Variants in PRR15 observed in about 807,000 individuals in gnomAD.
PRR15 encodes the protein proline-rich protein 15.
Under a neutral mutation model 3.0 loss-of-function variants are expected in PRR15, and 4 were observed. The ratio of observed to expected loss-of-function variants is 1.34; its 90% CI spans 0.66 to 3.08. The LOEUF is 3.08. Ranked by LOEUF, PRR15 falls within the 30% of genes most tolerant of loss-of-function variation. The probability of loss-of-function intolerance (pLI) is 0.01; values close to 1 mark genes in which losing one functional copy is unlikely to be tolerated. For synonymous variants in PRR15, 82 were observed against 79.8 expected, an observed-to-expected ratio of 1.03 and a Z score of -0.14; for missense variants, 200 against 179.5, an observed-to-expected ratio of 1.11 and a Z score of -0.65.
In PRR15 at chr7:29,566,646, C is replaced by T. The variant is rs1336450897; in HGVS notation, c.317C>T (p.Thr106Met). The change falls in exon 2 of 2, where the codon ACG (threonine) becomes ATG (methionine). Residue 106 changes from threonine to methionine, a missense_variant. Coordinates refer to ENST00000319694, the MANE Select transcript of PRR15 (RefSeq NM_175887.3). Reference sequence around the variant, plus strand: ...AAGGAGAAGAGGAAAGTGCGCGCCACGCTGCTCCCGGAGGCGGGCAGGTCC... The same window carrying T: ...AAGGAGAAGAGGAAAGTGCGCGCCATGCTGCTCCCGGAGGCGGGCAGGTCC... Reference protein sequence around the residue: ...RFKEKRKVRATLLPEAGRSPE... With the variant: ...RFKEKRKVRAMLLPEAGRSPE... The T allele has an allele frequency of 6.3e-7, 1 of 1,587,178 alleles. No homozygotes were observed. The highest frequency in any genetic ancestry group is 1.1e-5 in the South Asian group (1 of 87,378).
rs62457152 is a variant in PRR15 at position 29,566,448 on chromosome 7, G to A, written c.119G>A (p.Gly40Glu). 12 of 1,603,264 alleles carry A rather than the reference G, an allele frequency of 7.5e-6. No individual in the cohort carries two copies. Among genetic ancestry groups the A allele is most frequent in the Non-Finnish European group, 9.4e-6 (11 of 1,175,274 alleles). ...CCGCCTCCCGCCCAGCCCGCTCCCGGGGAGCCCACGCCACCTGCGCCGCCC... is the reference window on the plus strand; with the variant it reads ...CCGCCTCCCGCCCAGCCCGCTCCCGAGGAGCCCACGCCACCTGCGCCGCCC... ...GVPPPAQPAP[G>E]EPTPPAPPSP... The change falls in exon 2 of 2, where the codon GGG (glycine) becomes GAG (glutamate). Residue 40 changes from glycine (G) to glutamate (E), a missense_variant. Gly to Glu is a moderately conservative substitution (Grantham distance 98, BLOSUM62 -2). Coordinates refer to ENST00000319694, the MANE Select transcript of PRR15 (RefSeq NM_175887.3).
chr7:29,566,457 C>T lies in PRR15; in HGVS notation c.128C>T (p.Thr43Met). Residue 43 changes from threonine (T) to methionine (M), a missense_variant, in exon 2 of 2, where the codon ACG becomes ATG. Coordinates refer to ENST00000319694, the MANE Select transcript of PRR15 (RefSeq NM_175887.3). ...PPAQPAPGEP[T>M]PPAPPSPDWT... ...GCCCAGCCCGCTCCCGGGGAGCCCA[C>T]GCCACCTGCGCCGCCCAGCCCGGAC... The T allele has an allele frequency of 1.3e-6, 2 of 1,599,900 alleles. No individual in the cohort carries two copies. Among genetic ancestry groups the T allele is most frequent in the Non-Finnish European group, 1.7e-6 (2 of 1,173,448 alleles).
chr7:29,564,354 C>G lies in PRR15; in HGVS notation c.-169C>G, dbSNP rs879507093. 1.4e-4 allele frequency: 22 copies of G among 152,262 alleles called. No individual in the cohort carries two copies. The highest frequency in any genetic ancestry group is 4.4e-5 in the Non-Finnish European group (3 of 68,108). The allele number at this position is 152,262 out of a possible 1,614,324, so 9.4% of individuals were successfully genotyped here. ...CGGCCGCGTTCACCGCGCGAGGCCTCCGGGTCCTGTTAAGCCCGAGCAGGT... is the reference window on the plus strand; with the variant it reads ...CGGCCGCGTTCACCGCGCGAGGCCTGCGGGTCCTGTTAAGCCCGAGCAGGT... On this transcript the variant is annotated 5_prime_UTR_variant, in exon 1 of 2. Coordinates refer to ENST00000319694, the MANE Select transcript of PRR15 (RefSeq NM_175887.3).
At position 29,566,391 on chromosome 7, in the gene PRR15, G is replaced by A. The variant is rs867515894; in HGVS notation, c.62G>A (p.Arg21Lys). 3.7e-6 allele frequency: 6 copies of A among 1,611,062 alleles called. No individual in the cohort carries two copies. Among genetic ancestry groups the A allele is most frequent in the Non-Finnish European group, 5.1e-6 (6 of 1,179,608 alleles). Residue 21 changes from arginine (R) to lysine (K), a missense_variant, in exon 2 of 2, where the codon AGA becomes AAA. Arg to Lys is a conservative substitution (Grantham distance 26). Transcript: ENST00000319694. The part of the protein sequence containing the change: ...GPWWKSLTNS[R>K]KKSKEAAVGV... ...TGGTGGAAATCGCTCACCAACAGCA[G>A]AAAGAAAAGCAAGGAAGCCGCAGTG...
rs1358872755 is a variant in PRR15, at chr7:29,566,338, C to T, written c.9C>T (p.Asp3=). ...CCCTAGGCCCTCCGGCCATGGCCGA[C>T]AGCGGCGATGCTGGCAGCTCCGGCC... MA[D]SGDAGSSGPW... is the part of the protein sequence containing the mutation. The change falls in exon 2 of 2, where the codon GAC becomes GAT. Residue 3 remains aspartate (D), a synonymous_variant. Coordinates refer to ENST00000319694, the MANE Select transcript of PRR15 (RefSeq NM_175887.3). 8.1e-6 allele frequency: 13 copies of T among 1,607,598 alleles called. No homozygotes were observed. Among genetic ancestry groups the T allele is most frequent in the Non-Finnish European group, 1.1e-5 (13 of 1,179,260 alleles).
chr7:29,566,569 C>A lies in PRR15; in HGVS notation c.240C>A (p.Asp80Glu). The A allele has an allele frequency of 6.2e-7, 1 of 1,608,752 alleles. No homozygotes were observed. Among genetic ancestry groups the A allele is most frequent in the Non-Finnish European group, 8.5e-7 (1 of 1,178,080 alleles). ...CCAAACCAGACAAGTTATACGGGGA[C>A]AAATCCGGCAGCAGCCGCCGCAATT... ...EPPKPDKLYG[D>E]KSGSSRRNLK... The change falls in exon 2 of 2, where the codon GAC (aspartate) becomes GAA (glutamate). Residue 80 changes from aspartate to glutamate, a missense_variant. Asp to Glu is a conservative substitution (Grantham distance 45). Coordinates refer to ENST00000319694, the MANE Select transcript of PRR15 (RefSeq NM_175887.3).
intron 1 of PRR15, 58 bp from the exon 2 acceptor site, chr7:29,566,127 C>CT: frequency 1.9e-5 from 12 of 634,352 alleles, no homozygotes; most frequent in Non-Finnish European, 3.2e-5. Context: ...GGAAAGGGGA[C>CT]TGGGGGGGGC....
intron 1 of PRR15, among the ~76,000 whole-genome samples, chr7:29,564,605 G>A (rs550985408): frequency 6.6e-6 from 1 of 152,326 alleles, no homozygotes; most frequent in Admixed American, 6.5e-5. Flanking sequence ...TGATGATTGT[G>A]AAGAAGAAAA....
In PRR15 at chr7:29,566,666, A is replaced by T; in HGVS notation, c.337A>T (p.Arg113Trp). ...VRATLLPEAG[R>W]SPEEAGFPGD... ...CGCCACGCTGCTCCCGGAGGCGGGC[A>T]GGTCCCCGGAGGAGGCAGGCTTTCC... Residue 113 changes from arginine to tryptophan, a missense_variant, in exon 2 of 2, where the codon AGG becomes TGG. Coordinates refer to ENST00000319694, the MANE Select transcript of PRR15 (RefSeq NM_175887.3). 6.3e-7 allele frequency: 1 copy of T among 1,575,982 alleles called. No homozygotes were observed. Among genetic ancestry groups the T allele is most frequent in the Non-Finnish European group, 8.6e-7 (1 of 1,161,170 alleles).
At chr7:29,566,016 C>T (rs1792892969) in intron 1 of PRR15, among the ~76,000 whole-genome samples, 169 bp from the exon 2 acceptor site, 1 of 152,254 alleles carries the variant, frequency 6.6e-6, no homozygotes, top group African/African-American at 2.4e-5. Flanking sequence ...TCCGCCAGCA[C>T]CCTATGGGGC....
In PRR15 at chr7:29,566,443, T is replaced by G; in HGVS notation, c.114T>G (p.Ala38=). The G allele has an allele frequency of 1.9e-6, 3 of 1,604,226 alleles. No homozygotes were observed. The highest frequency in any genetic ancestry group is 2.6e-6 in the Non-Finnish European group (3 of 1,175,844). The part of the protein sequence containing the change: ...AVGVPPPAQP[A]PGEPTPPAPP... ...GGGTGCCGCCTCCCGCCCAGCCCGC[T>G]CCCGGGGAGCCCACGCCACCTGCGC... Residue 38 remains alanine, a synonymous_variant, in exon 2 of 2, where the codon GCT becomes GCG. Coordinates refer to ENST00000319694, the MANE Select transcript of PRR15 (RefSeq NM_175887.3).
rs943515565 is a variant in PRR15 at position 29,564,367 on chromosome 7, A to C, written c.-156A>C. On this transcript the variant is annotated 5_prime_UTR_variant, in exon 1 of 2. Coordinates refer to ENST00000319694, the MANE Select transcript of PRR15 (RefSeq NM_175887.3). ...CGCGCGAGGCCTCCGGGTCCTGTTA[A>C]GCCCGAGCAGGTGAGCGACTGGGGG... 1 of 152,128 alleles carries C rather than the reference A, an allele frequency of 6.6e-6. No homozygotes were observed. The highest frequency in any genetic ancestry group is 1.5e-5 in the Non-Finnish European group (1 of 68,090). The allele number at this position is 152,128 out of a possible 1,614,324, so 9.4% of individuals were successfully genotyped here.
In PRR15 at chr7:29,567,241, A is replaced by C. The variant is rs1792932012; in HGVS notation, c.*522A>C. 1 of 167,642 alleles carries C rather than the reference A, an allele frequency of 6.0e-6. No individual in the cohort carries two copies. The highest frequency in any genetic ancestry group is 1.5e-5 in the Non-Finnish European group (1 of 68,546). 10.4% of individuals were successfully genotyped at this position (167,642 alleles called of 1,614,324 possible). A position where few individuals can be genotyped will look rare whatever the true frequency, so the allele number is the denominator to read the frequency against. On this transcript the variant is annotated 3_prime_UTR_variant, in exon 2 of 2. Transcript: ENST00000319694. ...GCAGGATTGCTTTTAATGTTAAACTACAAAACTGTACAGCCTATTTTAGTG... is the reference window on the plus strand; with the variant it reads ...GCAGGATTGCTTTTAATGTTAAACTCCAAAACTGTACAGCCTATTTTAGTG...
chr7:29,566,549 C>A lies in PRR15; in HGVS notation c.220C>A (p.Pro74Thr). 6.2e-7 allele frequency: 1 copy of A among 1,608,816 alleles called. No homozygotes were observed. Among genetic ancestry groups the A allele is most frequent in the Non-Finnish European group, 8.5e-7 (1 of 1,178,060 alleles). ...LLGGAGEPPK[P>T]DKLYGDKSGS... ...CGGGGGCGCCGGCGAGCCCCCCAAA[C>A]CAGACAAGTTATACGGGGACAAATC... The change falls in exon 2 of 2, where the codon CCA becomes ACA. Residue 74 changes from proline to threonine, a missense_variant. Pro to Thr is a conservative substitution (Grantham distance 38, BLOSUM62 -1). Transcript: ENST00000319694.
In PRR15 at chr7:29,566,877, T is replaced by C; in HGVS notation, c.*158T>C. On this transcript the variant is annotated 3_prime_UTR_variant, in exon 2 of 2. Coordinates refer to ENST00000319694, the MANE Select transcript of PRR15 (RefSeq NM_175887.3). ...CTTCATGATTTTATTTTTCTGGAAA[T>C]TGAAGTGTCAATTGGGTTCTCAATA... 1.4e-6 allele frequency: 1 copy of C among 728,702 alleles called. No homozygotes were observed. The highest frequency in any genetic ancestry group is 2.2e-6 in the Non-Finnish European group (1 of 462,462). 45.1% of individuals were successfully genotyped at this position (728,702 alleles called of 1,614,324 possible).
At position 29,566,903 on chromosome 7, in the gene PRR15, T is replaced by G. The variant is rs1583502487; in HGVS notation, c.*184T>G. 1 of 597,582 alleles carries G rather than the reference T, an allele frequency of 1.7e-6. No homozygotes were observed. The highest frequency in any genetic ancestry group is 3.0e-5 in the East Asian group (1 of 33,052). 37.0% of individuals were successfully genotyped at this position (597,582 alleles called of 1,614,324 possible). A position where few individuals can be genotyped will look rare whatever the true frequency, so the allele number is the denominator to read the frequency against. On this transcript the variant is annotated 3_prime_UTR_variant, in exon 2 of 2. Coordinates refer to ENST00000319694, the MANE Select transcript of PRR15 (RefSeq NM_175887.3). ...TGAAGTGTCAATTGGGTTCTCAATA[T>G]TTCATGACTCCAAGGATGCATTAAA...
rs911006338 is a variant in PRR15, at chr7:29,566,401, C to T, written c.72C>T (p.Ser24=). Residue 24 remains serine (S), a synonymous_variant, in exon 2 of 2, where the codon AGC becomes AGT. Transcript: ENST00000319694. The part of the protein sequence containing the change: ...WKSLTNSRKK[S]KEAAVGVPPP... ...CGCTCACCAACAGCAGAAAGAAAAG[C>T]AAGGAAGCCGCAGTGGGGGTGCCGC... 5 of 1,610,706 alleles carry T rather than the reference C, an allele frequency of 3.1e-6. No individual in the cohort carries two copies. The highest frequency in any genetic ancestry group is 2.5e-6 in the Non-Finnish European group (3 of 1,179,290).
Position 29,566,790 on chromosome 7 carries a change from C to T in PRR15, c.*71C>T. 1.4e-6 allele frequency: 2 copies of T among 1,407,598 alleles called. No homozygotes were observed. Among genetic ancestry groups the T allele is most frequent in the Non-Finnish European group, 1.9e-6 (2 of 1,056,698 alleles). 87.2% of individuals were successfully genotyped at this position (1,407,598 alleles called of 1,614,324 possible). A position where few individuals can be genotyped will look rare whatever the true frequency, so the allele number is the denominator to read the frequency against. ...CAAACCCCCAGTTCCAAACCCGAGA[C>T]TTCAGGCCCGCCCCCTTACGCGTTG... is the stretch of plus-strand genomic sequence containing the variant. On this transcript the variant is annotated 3_prime_UTR_variant, in exon 2 of 2. Transcript: ENST00000319694.
In PRR15 at chr7:29,566,678, G is replaced by A. The variant is rs1389882950; in HGVS notation, c.349G>A (p.Glu117Lys). 1.9e-6 allele frequency: 3 copies of A among 1,569,406 alleles called. No individual in the cohort carries two copies. Among genetic ancestry groups the A allele is most frequent in the East Asian group, 2.4e-5 (1 of 41,942 alleles). The change falls in exon 2 of 2, where the codon GAG becomes AAG. Residue 117 changes from glutamate (E) to lysine (K), a missense_variant. Physicochemically the swap from Glu to Lys is moderately conservative, Grantham distance 56 (BLOSUM62 1). Transcript: ENST00000319694. ...CCCGGAGGCGGGCAGGTCCCCGGAG[G>A]AGGCAGGCTTTCCTGGTGACCCCCA... is the stretch of plus-strand genomic sequence containing the variant. ...LLPEAGRSPE[E>K]AGFPGDPHED...
Sources: gnomAD v4.1 joint callset for allele counts (sites outside exome capture counted in the v4.1 genomes callset) on GRCh38, gnomAD v4.1.1 for gene constraint, MANE v1.5 for transcripts, NCBI Gene and HGNC (gene_info 2026-07-23, HGNC 2026-07-21) for gene names.